PDE10A: variants seen among roughly 807,000 people sequenced by gnomAD.
The protein encoded by PDE10A is cAMP and cAMP-inhibited cGMP 3',5'-cyclic phosphodiesterase 10A.
A neutral mutation model predicts 97.7 loss-of-function variants in PDE10A; 39 were observed. That is an observed-to-expected ratio of 0.40 (90% CI 0.31 to 0.52). PDE10A has a LOEUF of 0.52. Among genes scored for constraint, PDE10A ranks in the 20% least tolerant of loss-of-function variants. PDE10A has a pLI of 0.56. For missense variants in PDE10A, 731 were observed against 1,047.8 expected, an observed-to-expected ratio of 0.70 and a Z score of 4.17; for synonymous variants, 371 against 376.8, an observed-to-expected ratio of 0.98 and a Z score of 0.18.
chr6:165,923,496 C>T (rs918075346), intron 1 of PDE10A, among the ~76,000 whole-genome samples: 10 of 152,172 alleles, frequency 6.6e-5, no homozygotes, highest in Non-Finnish European at 1.0e-4. Context: ...CTAAACAATG[C>T]GAAGACAGGC....
intron 1 of PDE10A, among the ~76,000 whole-genome samples, chr6:165,747,802 AAGG>A (rs2128454973): frequency 6.6e-6 from 1 of 152,162 alleles, no homozygotes; most frequent in South Asian, 2.1e-4. Flanking sequence ...AGACGGAGGG[AAGG>A]AGGAGGGGGT....
intron 1 of PDE10A, among the ~76,000 whole-genome samples, chr6:165,915,404 A>G (rs138041702): frequency 3.9e-4 from 59 of 152,378 alleles, no homozygotes; most frequent in African/African-American, 1.4e-3. Flanking sequence ...CACGAATGCT[A>G]CAATGAGCAG....
chr6:165,859,429 G>A (rs1392935174), intron 1 of PDE10A, among the ~76,000 whole-genome samples: 3 of 152,212 alleles, frequency 2.0e-5, no homozygotes, highest in Non-Finnish European at 2.9e-5. Flanking sequence ...CTCAACAACA[G>A]CTCCCTGCTC....
chr6:165,416,380 G>A (rs1313470655), intron 11 of PDE10A, 99 bp from the exon 12 acceptor site: 1 of 814,000 alleles, frequency 1.2e-6, no homozygotes, highest in Non-Finnish European at 2.1e-6. Flanking sequence ...TAAAAGCACT[G>A]TTTTACTTAA....
chr6:165,480,860 G>T (rs145444140), intron 3 of PDE10A, among the ~76,000 whole-genome samples: 1 of 152,084 alleles, frequency 6.6e-6, no homozygotes, highest in African/African-American at 2.4e-5. Context: ...ATCAAGATAC[G>T]GGGTACGTTT....
rs374854134 is a variant in PDE10A at position 165,384,339 on chromosome 6, C to T, written c.2610+3959G>A. Reference sequence around the variant, plus strand: ...GGGACTTTCCTGTCTGCTAAATGTCCACCATGAGCTCTACACAGCGACGGG... The same window carrying T: ...GGGACTTTCCTGTCTGCTAAATGTCTACCATGAGCTCTACACAGCGACGGG... On this transcript the variant is annotated intron_variant, in intron 17 of 21. Coordinates refer to ENST00000539869, the MANE Select transcript of PDE10A (RefSeq NM_001385079.1). 4.9e-5 allele frequency among the ~76,000 whole-genome samples: 7 copies of T among 143,256 alleles called. No individual in the cohort carries two copies. In the East Asian group the frequency reaches 1.3e-3, roughly 26 times the overall value. The allele number at this position is 143,256 out of a possible 152,430, so 94.0% of individuals were successfully genotyped here.
chr6:165,659,230 G>T (rs1265976288), intron 1 of PDE10A, among the ~76,000 whole-genome samples: 1 of 151,750 alleles, frequency 6.6e-6, no homozygotes, highest in African/African-American at 2.4e-5. Flanking sequence ...GGACAAAACA[G>T]CCTTTACGTG....
At chr6:165,379,410 G>T in intron 17 of PDE10A, 44 bp from the exon 18 acceptor site, 7 of 1,446,036 alleles carry the variant, frequency 4.8e-6, no homozygotes, top group Non-Finnish European at 5.7e-6. Context: ...ACAAGCACAA[G>T]CTCTAATCTT....
intron 1 of PDE10A, among the ~76,000 whole-genome samples, chr6:165,875,744 T>TG (rs1403368025): frequency 6.9e-6 from 1 of 145,000 alleles, no homozygotes; most frequent in African/African-American, 2.6e-5. Context: ...TTTTTTTTTT[T>TG]TTTGTGTGTG....
intron 1 of PDE10A, among the ~76,000 whole-genome samples, chr6:165,772,225 A>G (rs1178456671): frequency 2.0e-5 from 3 of 152,236 alleles, no homozygotes; most frequent in African/African-American, 7.2e-5. Context: ...CAGTATTGAC[A>G]AAAACTCAAC....
At chr6:165,552,550 AC>A (rs1583525537) in intron 1 of PDE10A, among the ~76,000 whole-genome samples, 2 of 152,258 alleles carry the variant, frequency 1.3e-5, no homozygotes, top group East Asian at 3.9e-4. Context: ...CAATAAGAAA[AC>A]TGGGAATTGA....
intron 1 of PDE10A, among the ~76,000 whole-genome samples, chr6:165,567,412 T>C (rs1784828121): frequency 6.6e-6 from 1 of 152,230 alleles, no homozygotes; most frequent in Non-Finnish European, 1.5e-5. Flanking sequence ...AATCTATGCC[T>C]GATTTTTAAA....
chr6:165,493,043 C>T (rs1015298388), intron 2 of PDE10A, among the ~76,000 whole-genome samples: 45 of 152,088 alleles, frequency 3.0e-4, no homozygotes, highest in African/African-American at 8.9e-4. Context: ...ACACCAACAG[C>T]GACCAAGCTG....
intron 1 of PDE10A, among the ~76,000 whole-genome samples, chr6:165,603,479 T>C (rs185763185): frequency 3.9e-5 from 6 of 152,346 alleles, no homozygotes; most frequent in East Asian, 3.9e-4. Flanking sequence ...AGTGAAAACA[T>C]AGGAAATAGC....
chr6:165,419,372 T>C (rs1271454783), intron 10 of PDE10A, among the ~76,000 whole-genome samples: 1 of 152,248 alleles, frequency 6.6e-6, no homozygotes, highest in East Asian at 1.9e-4. Flanking sequence ...GGAACATTTA[T>C]ACAATTTATA....
intron 1 of PDE10A, among the ~76,000 whole-genome samples, chr6:165,911,665 A>G (rs368971269): frequency 3.7e-4 from 57 of 152,360 alleles, no homozygotes; most frequent in African/African-American, 1.3e-3. Context: ...GCATTTCTGC[A>G]TTTCAGTCAT....
At chr6:165,357,413 A>T (rs1783094962) in intron 18 of PDE10A, among the ~76,000 whole-genome samples, 4 of 152,150 alleles carry the variant, frequency 2.6e-5, no homozygotes, top group Admixed American at 2.0e-4. Flanking sequence ...AGCCTTCATA[A>T]AATAAGGTAG....
intron 2 of PDE10A, among the ~76,000 whole-genome samples, chr6:165,493,393 A>G (rs1177818421): frequency 6.6e-6 from 1 of 152,184 alleles, no homozygotes; most frequent in Admixed American, 6.5e-5. Context: ...AGGCTAAGCA[A>G]AAAGAACAAA....
intron 2 of PDE10A, among the ~76,000 whole-genome samples, chr6:165,515,256 T>C (rs1389107996): frequency 2.0e-5 from 3 of 152,180 alleles, no homozygotes; most frequent in Non-Finnish European, 2.9e-5. Context: ...GTTTAGGATA[T>C]AAATATGTTA....
Sources: gnomAD v4.1 joint callset for allele counts (sites outside exome capture counted in the v4.1 genomes callset) on GRCh38, gnomAD v4.1.1 for gene constraint, MANE v1.5 for transcripts, NCBI Gene and HGNC (gene_info 2026-07-23, HGNC 2026-07-21) for gene names.